The following CFAP96 variants were observed in gnomAD, a reference collection of about 807,000 sequenced individuals.
CFAP96 encodes the protein cilia and flagella associated protein 96.
chr4:185,449,775 A>C, the CFAP96 span: 1 of 538,032 alleles, frequency 1.9e-6, no homozygotes, highest in East Asian at 3.3e-5. Context: ...TGCAACTCTA[A>C]TTCTCTTCCT....
the CFAP96 span, chr4:185,415,363 T>C: frequency 7.8e-6 from 12 of 1,546,256 alleles, 1 homozygote; most frequent in South Asian, 1.3e-4. Flanking sequence ...GGGGGAAATA[T>C]ATAAGTGTAT....
the CFAP96 span, chr4:185,415,938 CTT>C: frequency 7.7e-7 from 1 of 1,299,946 alleles, no homozygotes; most frequent in Non-Finnish European, 1.0e-6. Flanking sequence ...AGTAAAAAGA[CTT>C]TTCAAAAATG....
the CFAP96 span, among the ~76,000 whole-genome samples, chr4:185,423,114 C>A: frequency 6.6e-6 from 1 of 152,220 alleles, no homozygotes; most frequent in Non-Finnish European, 1.5e-5. Context: ...CTGTCTCGGC[C>A]TCCCAAAGTG....
At chr4:185,428,686 CAG>C in the CFAP96 span, among the ~76,000 whole-genome samples, 1 of 151,990 alleles carries the variant, frequency 6.6e-6, no homozygotes, top group Non-Finnish European at 1.5e-5. Context: ...AAAGAAAGCT[CAG>C]AGTTGAAGTA....
the CFAP96 span, among the ~76,000 whole-genome samples, chr4:185,414,108 G>C: frequency 6.6e-6 from 1 of 152,108 alleles, no homozygotes; most frequent in Non-Finnish European, 1.5e-5. Context: ...AGAGAAAAAT[G>C]AATATAAATT....
At chr4:185,448,212 G>A in the CFAP96 span, among the ~76,000 whole-genome samples, 2 of 152,030 alleles carry the variant, frequency 1.3e-5, no homozygotes, top group Admixed American at 1.3e-4. Context: ...GTAGAGAAGG[G>A]GTTTTGCCGT....
At chr4:185,432,119 C>T in the CFAP96 span, 2 of 1,551,718 alleles carry the variant, frequency 1.3e-6, no homozygotes, top group Non-Finnish European at 1.7e-6. Flanking sequence ...AAATCTGAAT[C>T]AAGTGAGGAG....
At chr4:185,429,316 A>T in the CFAP96 span, 1 of 612,046 alleles carries the variant, frequency 1.6e-6, no homozygotes, top group South Asian at 3.1e-5. Context: ...CTTTATTTTT[A>T]TTTTCAATGT....
the CFAP96 span, chr4:185,429,518 A>G: frequency 6.7e-7 from 1 of 1,487,182 alleles, no homozygotes; most frequent in Non-Finnish European, 9.1e-7. Flanking sequence ...AATCGTAAGT[A>G]TATTTGCTTT....
the CFAP96 span, among the ~76,000 whole-genome samples, chr4:185,432,395 C>G: frequency 2.0e-5 from 3 of 152,070 alleles, no homozygotes; most frequent in Non-Finnish European, 2.9e-5. Context: ...TTCTCATTAT[C>G]ATATTAAATT....
chr4:185,432,921 T>C, the CFAP96 span, among the ~76,000 whole-genome samples: 1 of 152,002 alleles, frequency 6.6e-6, no homozygotes, highest in Non-Finnish European at 1.5e-5. Flanking sequence ...GACAGAGTCT[T>C]GCTCTGTTGC....
chr4:185,429,611 T>A, the CFAP96 span: 1 of 689,586 alleles, frequency 1.5e-6, no homozygotes, highest in Non-Finnish European at 2.4e-6. Context: ...ATGGTTTATA[T>A]TTTAAAGCAT....
the CFAP96 span, among the ~76,000 whole-genome samples, chr4:185,419,556 C>T: frequency 6.6e-6 from 1 of 152,236 alleles, no homozygotes; most frequent in African/African-American, 2.4e-5. Flanking sequence ...TTTTATCTCT[C>T]ATCCAGCTTC....
chr4:185,437,550 A>G, the CFAP96 span, among the ~76,000 whole-genome samples: 1 of 152,234 alleles, frequency 6.6e-6, no homozygotes, highest in Admixed American at 6.5e-5. Context: ...GTGAGAGAAT[A>G]AGGACCATTA....
chr4:185,418,047 A>AACAC, the CFAP96 span, among the ~76,000 whole-genome samples: 399 of 143,056 alleles, frequency 2.8e-3, 2 homozygotes, highest in African/African-American at 9.7e-3. Context: ...TCCATCTCAA[A>AACAC]ACACACACAC....
At chr4:185,425,779 T>C in the CFAP96 span, 14 of 1,545,076 alleles carry the variant, frequency 9.1e-6, no homozygotes, top group Non-Finnish European at 1.1e-5. Flanking sequence ...CAGGACCAGC[T>C]CCTTTCAGGC....
chr4:185,443,342 A>ATATATATATATATATATATATATATTTT, the CFAP96 span, among the ~76,000 whole-genome samples: 1 of 26,726 alleles, frequency 3.7e-5, no homozygotes, highest in African/African-American at 1.2e-4. Flanking sequence ...ATATATATAT[A>ATATATATATATATATATATATATATTTT]TTTTTTTTTT....
chr4:185,442,334 C>A, the CFAP96 span, among the ~76,000 whole-genome samples: 2 of 151,946 alleles, frequency 1.3e-5, no homozygotes, highest in African/African-American at 4.8e-5. Flanking sequence ...AGCTCCTTAA[C>A]CTTCTATCTC....
chr4:185,440,899 A>G, the CFAP96 span, among the ~76,000 whole-genome samples: 1 of 150,426 alleles, frequency 6.6e-6, no homozygotes, highest in Non-Finnish European at 1.5e-5. Flanking sequence ...TGTAGGGGAT[A>G]ATGAAGCCCT....
Sources: gnomAD v4.1 joint callset for allele counts (sites outside exome capture counted in the v4.1 genomes callset) on GRCh38, gnomAD v4.1.1 for gene constraint, MANE v1.5 for transcripts, NCBI Gene and HGNC (gene_info 2026-07-23, HGNC 2026-07-21) for gene names.